Variants in MINDY2 observed in about 807,000 individuals in gnomAD.
The protein encoded by MINDY2 is MINDY lysine 48 deubiquitinase 2, also known as ubiquitin carboxyl-terminal hydrolase MINDY-2.
In MINDY2, 52 loss-of-function variants were observed where a neutral mutation model predicts 68.2. The observed-to-expected ratio is 0.76, with a 90% CI of 0.61 to 0.96. The LOEUF is 0.96. Ranked by LOEUF, MINDY2 falls within the 40% of genes least tolerant of loss-of-function variation. MINDY2 has a pLI of 0.00. For synonymous variants in MINDY2, 372 were observed against 303.0 expected (o/e 1.23, Z -2.36); for missense variants, 881 against 773.4 (o/e 1.14, Z -1.65).
In MINDY2 at chr15:58,854,567, A is replaced by T. The variant is rs2032993457; in HGVS notation, c.1823A>T (p.Asp608Val). ...AAACGGAAGGAACCACGAGAAAAAG[A>T]TAAAGAAAAAGAAAAGGAAAAAAAT... ...ERKRKEPREK[D>V]KEKEKEKNSC... Residue 608 changes from aspartate to valine, a missense_variant, in exon 9 of 9, where the codon GAT becomes GTT. Transcript: ENST00000559228. The T allele has an allele frequency of 1.2e-6, 2 of 1,613,364 alleles. No individual in the cohort carries two copies. The highest frequency in any genetic ancestry group is 1.7e-6 in the Non-Finnish European group (2 of 1,179,934).
intron 6 of MINDY2, among the ~76,000 whole-genome samples, chr15:58,845,326 G>C (rs552919534): frequency 6.6e-6 from 1 of 151,826 alleles, no homozygotes; most frequent in Admixed American, 6.6e-5. Flanking sequence ...GAATCACTTG[G>C]ACCTGGTAGA....
chr15:58,844,919 TAAAA>T (rs35379834), intron 6 of MINDY2, among the ~76,000 whole-genome samples: 1 of 67,854 alleles, frequency 1.5e-5, no homozygotes, highest in Non-Finnish European at 2.8e-5. Flanking sequence ...AGACCCTGCC[TAAAA>T]AAAAAAAAAA....
intron 2 of MINDY2, among the ~76,000 whole-genome samples, chr15:58,792,458 T>C (rs1408993950): frequency 6.6e-6 from 1 of 152,104 alleles, no homozygotes; most frequent in East Asian, 1.9e-4. Context: ...ACATAAAAAT[T>C]AGCCGGGCGT....
Position 58,848,728 on chromosome 15 carries a change from A to T in MINDY2, c.1542+1258A>T, listed in dbSNP as rs566974531. ...GCCACTGCACTCCAGCCTGGGCAAC[A>T]GAGCGAGACTCCATCTCAAAACAAA... On this transcript the variant is annotated intron_variant, in intron 7 of 8. Transcript: ENST00000559228. 1.1e-3 allele frequency among the ~76,000 whole-genome samples: 164 copies of T among 152,344 alleles called. 1 individual carries two copies. The highest frequency in any genetic ancestry group is 2.0e-3 in the Non-Finnish European group (138 of 68,036).
intron 1 of MINDY2, among the ~76,000 whole-genome samples, chr15:58,777,685 T>C (rs1307100016): frequency 2.6e-5 from 4 of 152,174 alleles, no homozygotes; most frequent in African/African-American, 9.6e-5. Flanking sequence ...TGCTCTAACA[T>C]CAAGAAAGAC....
intron 5 of MINDY2, among the ~76,000 whole-genome samples, chr15:58,825,853 A>G (rs2031360821): frequency 6.6e-6 from 1 of 151,948 alleles, no homozygotes; most frequent in Admixed American, 6.6e-5. Context: ...TGATCCTCCC[A>G]CCTCAGCCTC....
At chr15:58,854,000 T>G (rs1385114093) in intron 8 of MINDY2, among the ~76,000 whole-genome samples, 2 of 151,994 alleles carry the variant, frequency 1.3e-5, no homozygotes, top group African/African-American at 4.8e-5. Flanking sequence ...AAATACCGAC[T>G]TTGGGAGGCC....
chr15:58,788,020 G>A, intron 2 of MINDY2, 57 bp downstream of exon 2: 1 of 1,202,430 alleles, frequency 8.3e-7, no homozygotes, highest in African/African-American at 1.5e-5. Context: ...TTCAAAGCTA[G>A]TTGATTACCC....
At chr15:58,826,291 G>A (rs1182963848) in intron 5 of MINDY2, among the ~76,000 whole-genome samples, 3 of 143,594 alleles carry the variant, frequency 2.1e-5, no homozygotes, top group African/African-American at 5.2e-5. Context: ...GTACAATGGC[G>A]CAACCTTGGC....
chr15:58,840,607 A>G (rs1241124229), intron 6 of MINDY2, among the ~76,000 whole-genome samples: 2 of 149,410 alleles, frequency 1.3e-5, no homozygotes, highest in Non-Finnish European at 3.0e-5. Flanking sequence ...TGAAATACAC[A>G]TTGACCTCAC....
At chr15:58,835,619 C>T (rs1260207245) in intron 6 of MINDY2, among the ~76,000 whole-genome samples, 2 of 152,212 alleles carry the variant, frequency 1.3e-5, no homozygotes, top group South Asian at 4.2e-4. Context: ...TGCCATTGCA[C>T]TCCAGCCTAA....
At position 58,771,368 on chromosome 15, in the gene MINDY2, C is replaced by A; in HGVS notation, c.-28C>A. 2 of 1,586,966 alleles carry A rather than the reference C, an allele frequency of 1.3e-6. No individual in the cohort carries two copies. The highest frequency in any genetic ancestry group is 1.7e-6 in the Non-Finnish European group (2 of 1,168,932). Reference sequence around the variant, plus strand: ...GGCTGCGGAGAAGTGGCCGCGGTCTCCATAGAGCTGGGGGCGGGCGGCCCG... The same window carrying A: ...GGCTGCGGAGAAGTGGCCGCGGTCTACATAGAGCTGGGGGCGGGCGGCCCG... On this transcript the variant is annotated 5_prime_UTR_variant, in exon 1 of 9. Coordinates refer to ENST00000559228, the MANE Select transcript of MINDY2 (RefSeq NM_001040450.3).
At chr15:58,817,974 C>G (rs765208636) in intron 4 of MINDY2, among the ~76,000 whole-genome samples, 1 of 151,940 alleles carries the variant, frequency 6.6e-6, no homozygotes, top group Non-Finnish European at 1.5e-5. Flanking sequence ...TGCCATAGTC[C>G]GAAACTGAAA....
intron 4 of MINDY2, among the ~76,000 whole-genome samples, chr15:58,811,440 G>A (rs2030242205): frequency 6.6e-6 from 1 of 152,238 alleles, no homozygotes; most frequent in African/African-American, 2.4e-5. Flanking sequence ...TTACAAAGGT[G>A]TGGGCAAAGT....
chr15:58,811,105 A>G (rs1173044475), intron 4 of MINDY2, among the ~76,000 whole-genome samples: 1 of 152,236 alleles, frequency 6.6e-6, no homozygotes, highest in East Asian at 1.9e-4. Context: ...ACAATAAATA[A>G]CACAGTCACT....
In MINDY2 at chr15:58,772,041, C is replaced by A. The variant is rs1442353435; in HGVS notation, c.646C>A (p.Pro216Thr). The A allele has an allele frequency of 6.2e-6, 10 of 1,605,872 alleles. 1 individual carries two copies. In the Admixed American group the frequency reaches 1.7e-4, roughly 27 times the overall value. The change falls in exon 1 of 9, where the codon CCT (proline) becomes ACT (threonine). Residue 216 changes from proline (P) to threonine (T), a missense_variant. By Grantham distance (38) the Pro-to-Thr change is conservative (BLOSUM62 -1). Transcript: ENST00000559228. ...EGAAVLPGAV[P>T]LCKEEEGEET... ...CGCGGCGGTGTTGCCCGGGGCTGTTCCTCTGTGCAAGGAGGAGGAGGGGGA... is the reference window on the plus strand; with the variant it reads ...CGCGGCGGTGTTGCCCGGGGCTGTTACTCTGTGCAAGGAGGAGGAGGGGGA...
At chr15:58,795,121 T>A (rs1345780901) in intron 2 of MINDY2, among the ~76,000 whole-genome samples, 3 of 151,648 alleles carry the variant, frequency 2.0e-5, no homozygotes, top group Middle Eastern at 3.4e-3. Flanking sequence ...GCTTGCAGTG[T>A]ACCGAGATCG....
intron 1 of MINDY2, among the ~76,000 whole-genome samples, chr15:58,776,786 C>T (rs1346397117): frequency 6.6e-6 from 1 of 152,030 alleles, no homozygotes; most frequent in Non-Finnish European, 1.5e-5. Flanking sequence ...TTGTGGGAGG[C>T]TAACACAGGA....
intron 7 of MINDY2, among the ~76,000 whole-genome samples, chr15:58,849,489 A>C (rs2032709464): frequency 6.6e-6 from 1 of 152,130 alleles, no homozygotes; most frequent in South Asian, 2.1e-4. Flanking sequence ...TGGACGACAG[A>C]GCAAGACTCC....
Sources: allele counts gnomAD v4.1 joint callset (sites outside exome capture counted in the v4.1 genomes callset), GRCh38; gene constraint gnomAD v4.1.1; transcripts MANE v1.5; gene names NCBI Gene and HGNC (gene_info 2026-07-23, HGNC 2026-07-21).